The following INTS6L variants were observed in gnomAD, a reference collection of about 807,000 sequenced individuals.
The protein encoded by INTS6L is integrator complex subunit 6 like, also known as integrator complex subunit 6-like.
INTS6L carries 18 observed loss-of-function variants against 64.7 expected under a neutral mutation model. That is an observed-to-expected ratio of 0.28 (90% CI 0.19 to 0.41). The LOEUF is 0.41. Ranked by LOEUF, INTS6L falls within the 10% of genes least tolerant of loss-of-function variation. The pLI is 1.00. For missense variants in INTS6L, 533 were observed against 661.0 expected (o/e 0.81, Z 2.12); for synonymous variants, 227 against 235.9 (o/e 0.96, Z 0.34).
chrX:135,578,963 G>A (rs943947090), intron 15 of INTS6L, among the ~76,000 whole-genome samples: 1 of 111,623 alleles, frequency 9.0e-6, no homozygotes, highest in Admixed American at 9.5e-5. Flanking sequence ...TAGTCTGCAA[G>A]ACTGCACGGC....
At chrX:135,531,336 C>A (rs1039277015) in intron 2 of INTS6L, among the ~76,000 whole-genome samples, 1 of 111,921 alleles carries the variant, frequency 8.9e-6, no homozygotes, top group African/African-American at 3.3e-5. Flanking sequence ...CCAAATATTC[C>A]GACACACACT....
chrX:135,527,730 G>A (rs1198172124), intron 2 of INTS6L, among the ~76,000 whole-genome samples: 1 of 111,447 alleles, frequency 9.0e-6, no homozygotes, highest in African/African-American at 3.3e-5. Context: ...TTTTAAGTGA[G>A]CTAAAGGGAG....
chrX:135,577,139 A>G, intron 14 of INTS6L, 54 bp from the exon 15 acceptor site: 1 of 1,113,040 alleles, frequency 9.0e-7, no homozygotes, highest in South Asian at 1.9e-5. Context: ...TTGCAGTTAT[A>G]TAATAGTGGA....
At chrX:135,577,790 A>T (rs2087269235) in intron 15 of INTS6L, among the ~76,000 whole-genome samples, 1 of 112,277 alleles carries the variant, frequency 8.9e-6, no homozygotes, top group Non-Finnish European at 1.9e-5. Flanking sequence ...AGGATAAAGC[A>T]GGTTTCCCTG....
At chrX:135,527,351 C>T (rs782789588) in intron 2 of INTS6L, among the ~76,000 whole-genome samples, 18 of 112,233 alleles carry the variant, frequency 1.6e-4, no homozygotes, top group African/African-American at 5.8e-4. Context: ...GTTATAGGGG[C>T]CTAAGGTGAA....
chrX:135,549,576 G>T, intron 6 of INTS6L, 66 bp from the exon 7 acceptor site: 1 of 1,113,087 alleles, frequency 9.0e-7, no homozygotes, highest in Non-Finnish European at 1.2e-6. Context: ...TGGAAAATTT[G>T]TACAAGAAGA....
rs782149901 is a variant in INTS6L, at chrX:135,579,840, C to A, written c.2172C>A (p.Ile724=). Residue 724 remains isoleucine, a synonymous_variant, in exon 16 of 18, where the codon ATC becomes ATA. Coordinates refer to ENST00000639893, the MANE Select transcript of INTS6L (RefSeq NM_001351601.3). ...AGGAGAAGATGGAAAATGGTCAGAT[C>A]ACACCTGATGGCTTCCTGTCAAAAT... is the stretch of plus-strand genomic sequence containing the variant. ...GHEEKMENGQ[I]TPDGFLSKSA... 1 of 1,208,256 alleles carries A rather than the reference C, an allele frequency of 8.3e-7. No individual in the cohort carries two copies. The highest frequency in any genetic ancestry group is 2.2e-5 in the Admixed American group (1 of 45,890).
chrX:135,521,367 G>A, intron 2 of INTS6L, 49 bp downstream of exon 2: 1 of 1,139,959 alleles, frequency 8.8e-7, no homozygotes. Flanking sequence ...GAGCAAGTCG[G>A]CGGGGGCTGC....
intron 9 of INTS6L, among the ~76,000 whole-genome samples, chrX:135,564,334 C>T (rs782381527): frequency 2.7e-5 from 3 of 110,973 alleles, no homozygotes; most frequent in Non-Finnish European, 5.7e-5. Flanking sequence ...CAAGCCTGCT[C>T]ATATTATTTT....
At chrX:135,546,962 TCTTTA>T in intron 5 of INTS6L, 77 bp downstream of exon 5, 1 of 1,134,154 alleles carries the variant, frequency 8.8e-7, no homozygotes, top group Non-Finnish European at 1.2e-6. Context: ...CCATATCCAG[TCTTTA>T]CTTGTTTTCC....
chrX:135,534,682 C>CTTT (rs1293328959), intron 2 of INTS6L, among the ~76,000 whole-genome samples: 3 of 92,061 alleles, frequency 3.3e-5, no homozygotes, highest in African/African-American at 8.1e-5. Flanking sequence ...TTTTTCTTTT[C>CTTT]TTTTTTTTTT....
chrX:135,545,259 GA>G (rs1175946128), intron 2 of INTS6L, among the ~76,000 whole-genome samples, 163 bp from the exon 3 acceptor site: 1 of 112,178 alleles, frequency 8.9e-6, no homozygotes, highest in Non-Finnish European at 1.9e-5. Context: ...AGGTCTTTCC[GA>G]AACTGCTTGC....
intron 6 of INTS6L, among the ~76,000 whole-genome samples, chrX:135,548,408 C>T (rs1285794266): frequency 9.0e-6 from 1 of 111,491 alleles, no homozygotes; most frequent in Non-Finnish European, 1.9e-5. Flanking sequence ...ACTGAGGCCC[C>T]ACAGCCTATT....
chrX:135,563,782 T>C (rs1308611937), intron 9 of INTS6L, among the ~76,000 whole-genome samples: 1 of 108,663 alleles, frequency 9.2e-6, no homozygotes, highest in Non-Finnish European at 1.9e-5. Flanking sequence ...AGAAATCTAC[T>C]TTAATTCTAA....
chrX:135,529,964 A>T (rs2085860584), intron 2 of INTS6L, among the ~76,000 whole-genome samples: 1 of 112,003 alleles, frequency 8.9e-6, no homozygotes, highest in South Asian at 3.7e-4. Context: ...TAACACAGCC[A>T]GTAGTAACCT....
At position 135,542,181 on chromosome X, in the gene INTS6L, G is replaced by A. The variant is rs181908011; in HGVS notation, c.190-3242G>A. ...GAATAGGAATTAACCTACAAACAATGTCAGAGATTTAGATACAGAAACTAT... is the reference window on the plus strand; with the variant it reads ...GAATAGGAATTAACCTACAAACAATATCAGAGATTTAGATACAGAAACTAT... On this transcript the variant is annotated intron_variant, in intron 2 of 17. Transcript: ENST00000639893. 8.3e-3 allele frequency among the ~76,000 whole-genome samples: 920 copies of A among 111,479 alleles called. 2 individuals carry two copies. Among genetic ancestry groups the A allele is most frequent in the Non-Finnish European group, 0.014 (759 of 53,100 alleles).
intron 12 of INTS6L, among the ~76,000 whole-genome samples, chrX:135,573,322 G>A (rs1245986551): frequency 8.9e-6 from 1 of 112,452 alleles, no homozygotes; most frequent in African/African-American, 3.2e-5. Context: ...AGGAATGAAG[G>A]AGAATTGGGT....
chrX:135,549,723 G>A lies in INTS6L; in HGVS notation c.824G>A (p.Arg275Gln), dbSNP rs1556516393. The part of the protein sequence containing the change: ...WHSCHKLIYV[R>Q]PNSKTGVPVG... ...AGTTGTCATAAACTCATTTATGTAC[G>A]ACCTAACTCTAAAACTGGTGTTCCT... The change falls in exon 7 of 18, where the codon CGA (arginine) becomes CAA (glutamine). Residue 275 changes from arginine to glutamine, a missense_variant. Transcript: ENST00000639893. 2 of 1,210,365 alleles carry A rather than the reference G, an allele frequency of 1.7e-6. No homozygotes were observed. The highest frequency in any genetic ancestry group is 1.7e-5 in the African/African-American group (1 of 57,384).
chrX:135,556,213 T>C lies in INTS6L; in HGVS notation c.1105T>C (p.Phe369Leu), dbSNP rs1556519190. ...SGKYNELGYP[F>L]GYLKASTTLT... ...AAAGTACAATGAACTTGGATATCCATTTGGTTATTTAAAAGCCAGTACAAC... is the reference window on the plus strand; with the variant it reads ...AAAGTACAATGAACTTGGATATCCACTTGGTTATTTAAAAGCCAGTACAAC... Residue 369 changes from phenylalanine (F) to leucine (L), a missense_variant, in exon 9 of 18, where the codon TTT becomes CTT. By Grantham distance (22) the Phe-to-Leu change is conservative (BLOSUM62 0). Transcript: ENST00000639893. 8.3e-7 allele frequency: 1 copy of C among 1,201,359 alleles called. No individual in the cohort carries two copies. The highest frequency in any genetic ancestry group is 2.3e-5 in the Admixed American group (1 of 44,274).
Sources: gnomAD v4.1 joint callset for allele counts (sites outside exome capture counted in the v4.1 genomes callset) on GRCh38, gnomAD v4.1.1 for gene constraint, MANE v1.5 for transcripts, NCBI Gene and HGNC (gene_info 2026-07-23, HGNC 2026-07-21) for gene names.